The following QSER1 variants were observed in gnomAD, a reference collection of about 807,000 sequenced individuals.
The protein encoded by QSER1 is glutamine and serine rich 1, also known as glutamine and serine-rich protein 1.
QSER1 carries 49 observed loss-of-function variants against 158.5 expected under a neutral mutation model. The observed-to-expected ratio is 0.31, with a 90% CI of 0.25 to 0.39. The LOEUF (loss-of-function observed/expected upper bound fraction) is 0.39. QSER1 is among the 10% of genes least tolerant of loss of function. The pLI, the probability that QSER1 is intolerant of heterozygous loss-of-function variation, is 1.00. For missense variants in QSER1, 1,754 were observed against 2,010.3 expected (o/e 0.87, Z 2.44); for synonymous variants, 650 against 715.5 (o/e 0.91, Z 1.46).
rs1435396210 is a variant in QSER1, at chr11:32,893,004, G to C, written c.-122G>C. On this transcript the variant is annotated 5_prime_UTR_variant, in exon 1 of 13. Transcript: ENST00000650167. This position sits in a 1 kb window ranked among gnomAD's most constrained non-coding sequence, Gnocchi z 4.7. The stretch of plus-strand genomic sequence containing the variant: ...CTGCTCGCCGGGGCCATGTGAGGGG[G>C]CAGCTCCCTCCACCGCCGCCGCCCC... Among the ~76,000 whole-genome samples, 1 of 147,558 alleles carries C rather than the reference G, an allele frequency of 6.8e-6. No homozygotes were observed. The highest frequency in any genetic ancestry group is 2.0e-4 in the East Asian group (1 of 5,044).
At chr11:32,975,602 A>T in intron 12 of QSER1, 1 of 1,273,772 alleles carries the variant, frequency 7.9e-7, no homozygotes, top group Middle Eastern at 2.1e-4. Flanking sequence ...CTTGCTTTAC[A>T]TCGCCATAAT....
intron 1 of QSER1, among the ~76,000 whole-genome samples, chr11:32,919,396 T>G (rs1345630916): frequency 1.3e-5 from 2 of 152,242 alleles, no homozygotes; most frequent in African/African-American, 2.4e-5. Context: ...CCTTCACAGT[T>G]TTCAGAAGTA....
At chr11:32,959,790 T>C (rs1852588699) in intron 8 of QSER1, among the ~76,000 whole-genome samples, 1 of 152,162 alleles carries the variant, frequency 6.6e-6, no homozygotes, top group Non-Finnish European at 1.5e-5. Context: ...TGAGTCAAGG[T>C]CTACTCTGTT....
chr11:32,952,015 T>C (rs1852430518), intron 4 of QSER1, among the ~76,000 whole-genome samples: 1 of 152,010 alleles, frequency 6.6e-6, no homozygotes, highest in Admixed American at 6.6e-5. Flanking sequence ...TTTTTTTGTA[T>C]TTTTAGTAGA....
chr11:32,974,714 T>C (rs1457170772), intron 11 of QSER1, among the ~76,000 whole-genome samples: 1 of 152,178 alleles, frequency 6.6e-6, no homozygotes, highest in African/African-American at 2.4e-5. Flanking sequence ...TACCCTCATA[T>C]AGTTTGTATT....
intron 8 of QSER1, among the ~76,000 whole-genome samples, chr11:32,965,986 C>CACACACACAT (rs3060620): frequency 1.3e-5 from 2 of 149,610 alleles, no homozygotes; most frequent in Non-Finnish European, 3.0e-5. Flanking sequence ...CACACACACA[C>CACACACACAT]GAATCACCTA....
intron 1 of QSER1, among the ~76,000 whole-genome samples, chr11:32,909,117 G>A (rs559054823): frequency 9.2e-5 from 14 of 152,266 alleles, no homozygotes; most frequent in Admixed American, 7.8e-4. Flanking sequence ...CTGAGATCGC[G>A]CCACTGCACT....
intron 7 of QSER1, among the ~76,000 whole-genome samples, 182 bp downstream of exon 7, chr11:32,956,303 T>C (rs1352510409): frequency 6.6e-6 from 1 of 152,148 alleles, no homozygotes; most frequent in African/African-American, 2.4e-5. Context: ...GTAAAGCTCA[T>C]GGCTATCTGT....
At position 32,893,763 on chromosome 11, in the gene QSER1, G is replaced by A. The variant is rs920304926; in HGVS notation, c.209+429G>A. ...CGACAATGCGGTCTTGGGGACTCCGGCGTGTGAGGGTTGCGGAGGCGGGAG... is the reference window on the plus strand; with the variant it reads ...CGACAATGCGGTCTTGGGGACTCCGACGTGTGAGGGTTGCGGAGGCGGGAG... On this transcript the variant is annotated intron_variant, in intron 1 of 12. Transcript: ENST00000650167. This position sits in a 1 kb window ranked among gnomAD's most constrained non-coding sequence, Gnocchi z 4.7. Among the ~76,000 whole-genome samples, 2 of 152,180 alleles carry A rather than the reference G, an allele frequency of 1.3e-5. No individual in the cohort carries two copies. The highest frequency in any genetic ancestry group is 2.9e-5 in the Non-Finnish European group (2 of 68,040).
chr11:32,933,328 A>G lies in QSER1; in HGVS notation c.2070A>G (p.Glu690=), dbSNP rs760409978. 4.3e-6 allele frequency: 7 copies of G among 1,611,740 alleles called. No homozygotes were observed. The highest frequency in any genetic ancestry group is 5.9e-6 in the Non-Finnish European group (7 of 1,179,266). The change falls in exon 4 of 13, where the codon GAA becomes GAG. Residue 690 remains glutamate (E), a synonymous_variant. Transcript: ENST00000650167. ...ATGTGTATCCATCTTCAAAGCAAGAAGATGGTTTTCCAATGCAAGAGTTAC... is the reference window on the plus strand; with the variant it reads ...ATGTGTATCCATCTTCAAAGCAAGAGGATGGTTTTCCAATGCAAGAGTTAC... ...DSDVYPSSKQ[E]DGFPMQELQV...
At chr11:32,923,502 C>T (rs1183315805) in intron 1 of QSER1, among the ~76,000 whole-genome samples, 5 of 151,286 alleles carry the variant, frequency 3.3e-5, no homozygotes, top group African/African-American at 4.9e-5. Flanking sequence ...GGCAAAACCC[C>T]GTCTCTACTA....
chr11:32,934,070 C>T lies in QSER1; in HGVS notation c.2812C>T (p.Leu938=), dbSNP rs1179766696. 1 of 1,613,964 alleles carries T rather than the reference C, an allele frequency of 6.2e-7. No individual in the cohort carries two copies. Among genetic ancestry groups the T allele is most frequent in the African/African-American group, 1.3e-5 (1 of 75,044 alleles). The change falls in exon 4 of 13, where the codon CTA becomes TTA. Residue 938 remains leucine (L), a synonymous_variant. Transcript: ENST00000650167. Reference sequence around the variant, plus strand: ...GTCTTCAAAACCATTACAACAACATCTAACAACAAAGGGCCATTTTAGTGA... The same window carrying T: ...GTCTTCAAAACCATTACAACAACATTTAACAACAAAGGGCCATTTTAGTGA... ...SESSKPLQQH[L]TTKGHFSETN...
At chr11:32,942,571 T>C (rs1852259577) in intron 4 of QSER1, among the ~76,000 whole-genome samples, 1 of 152,182 alleles carries the variant, frequency 6.6e-6, no homozygotes, top group Non-Finnish European at 1.5e-5. Flanking sequence ...CTGAGGGCTC[T>C]GTTCTGTTCC....
intron 1 of QSER1, among the ~76,000 whole-genome samples, chr11:32,894,571 C>A (rs952280573): frequency 1.3e-5 from 2 of 152,132 alleles, no homozygotes; most frequent in African/African-American, 4.8e-5. Flanking sequence ...TACGAAAGTT[C>A]TACGTTCATG....
At chr11:32,967,258 A>G (rs1436092850) in intron 9 of QSER1, among the ~76,000 whole-genome samples, 1 of 152,194 alleles carries the variant, frequency 6.6e-6, no homozygotes, top group East Asian at 1.9e-4. Context: ...GTTCTCACTT[A>G]TAAGTGGGAG....
At position 32,979,639 on chromosome 11, in the gene QSER1, T is replaced by A. The variant is rs572352281; in HGVS notation, c.*3165T>A. The stretch of plus-strand genomic sequence containing the variant: ...GATTACTTTGAAAATTCTAAACTTC[T>A]TTCTGTTTCCAAAACTTGAAAATAT... On this transcript the variant is annotated 3_prime_UTR_variant, in exon 13 of 13. Transcript: ENST00000650167. The A allele has an allele frequency of 2.0e-5, 3 of 152,132 alleles. No individual in the cohort carries two copies. The South Asian group carries it at 6.3e-4, about 32-fold the overall frequency. The allele number at this position is 152,132 out of a possible 1,614,324, so 9.4% of individuals were successfully genotyped here.
At position 32,933,506 on chromosome 11, in the gene QSER1, G is replaced by T; in HGVS notation, c.2248G>T (p.Val750Phe). 1 of 1,612,350 alleles carries T rather than the reference G, an allele frequency of 6.2e-7. No individual in the cohort carries two copies. Among genetic ancestry groups the T allele is most frequent in the African/African-American group, 1.3e-5 (1 of 74,950 alleles). Residue 750 changes from valine (V) to phenylalanine (F), a missense_variant, in exon 4 of 13, where the codon GTT becomes TTT. By Grantham distance (50) the Val-to-Phe change is conservative. Transcript: ENST00000650167. The part of the protein sequence containing the change: ...IRSNSRLEDQ[V>F]IGVALQASKK... ...AAGTAATTCCCGTCTTGAAGATCAA[G>T]TTATTGGGGTTGCTCTGCAAGCATC...
intron 4 of QSER1, among the ~76,000 whole-genome samples, chr11:32,952,591 T>C (rs1467035282): frequency 6.6e-6 from 1 of 152,190 alleles, no homozygotes; most frequent in Non-Finnish European, 1.5e-5. Context: ...CTGGTTTTGG[T>C]ATTGGAATAA....
Position 32,941,810 on chromosome 11 carries a change from G to A in QSER1, c.4177+6375G>A, listed in dbSNP as rs1229820565. ...TAGATCCCTGAGCAATCGCCACACT[G>A]ACTTCCACAATGGTTGAACTAGTTT... On this transcript the variant is annotated intron_variant, in intron 4 of 12. Coordinates refer to ENST00000650167, the MANE Select transcript of QSER1 (RefSeq NM_001076786.3). 5.9e-5 allele frequency among the ~76,000 whole-genome samples: 9 copies of A among 152,012 alleles called. No homozygotes were observed. In the South Asian group the frequency reaches 1.7e-3, roughly 28 times the overall value.
Sources: allele counts gnomAD v4.1 joint callset (sites outside exome capture counted in the v4.1 genomes callset), GRCh38; gene constraint gnomAD v4.1.1; non-coding constraint Gnocchi (gnomAD v3.1); transcripts MANE v1.5; gene names NCBI Gene and HGNC (gene_info 2026-07-23, HGNC 2026-07-21).